The following SLC25A26 variants were observed in gnomAD, a reference collection of about 807,000 sequenced individuals.
The protein encoded by SLC25A26 is mitochondrial S-adenosylmethionine carrier protein.
Under a neutral mutation model 37.8 loss-of-function variants are expected in SLC25A26, and 36 were observed. The ratio of observed to expected loss-of-function variants is 0.95; its 90% CI spans 0.73 to 1.26. SLC25A26 has a LOEUF of 1.26. SLC25A26 is among the 50% of genes most tolerant of loss of function. The probability of loss-of-function intolerance (pLI) is 0.00; values close to 1 mark genes in which losing one functional copy is unlikely to be tolerated. For missense variants in SLC25A26, 390 were observed against 331.1 expected (o/e 1.18, Z -1.38); for synonymous variants, 129 against 122.5 (o/e 1.05, Z -0.35).
chr3:66,352,735 A>G (rs964026682), intron 6 of SLC25A26, among the ~76,000 whole-genome samples: 2 of 151,808 alleles, frequency 1.3e-5, no homozygotes, highest in East Asian at 2.0e-4. Flanking sequence ...AACTGACCCC[A>G]TGGAGCATTC....
intron 9 of SLC25A26, among the ~76,000 whole-genome samples, chr3:66,373,019 C>T (rs1412192911): frequency 1.3e-5 from 2 of 152,152 alleles, no homozygotes; most frequent in East Asian, 1.9e-4. Context: ...CTTGTTCTGG[C>T]GCATATGGGA....
intron 1 of SLC25A26, among the ~76,000 whole-genome samples, chr3:66,145,795 T>C (rs2070106469): frequency 6.6e-6 from 1 of 152,218 alleles, no homozygotes; most frequent in Non-Finnish European, 1.5e-5. Context: ...TCCAAAAATA[T>C]TCCTCACATT....
intron 1 of SLC25A26, among the ~76,000 whole-genome samples, chr3:66,138,328 A>AC (rs1269318728): frequency 2.6e-5 from 4 of 151,296 alleles, no homozygotes; most frequent in Non-Finnish European, 4.4e-5. Flanking sequence ...CACAAATCTC[A>AC]CCCCCCTTCA....
chr3:66,188,535 C>T (rs924181280), intron 1 of SLC25A26, among the ~76,000 whole-genome samples: 8 of 152,098 alleles, frequency 5.3e-5, no homozygotes, highest in Non-Finnish European at 1.0e-4. Flanking sequence ...CCCTCACTCC[C>T]TCTCTCTCCA....
chr3:66,247,463 A>G (rs990977702), intron 3 of SLC25A26, among the ~76,000 whole-genome samples: 2 of 152,162 alleles, frequency 1.3e-5, no homozygotes, highest in South Asian at 4.1e-4. Flanking sequence ...AGGTGCCACT[A>G]TGCCTGGCTA....
intron 6 of SLC25A26, among the ~76,000 whole-genome samples, chr3:66,352,784 C>T (rs958202514): frequency 2.0e-5 from 3 of 151,994 alleles, no homozygotes; most frequent in African/African-American, 7.3e-5. Flanking sequence ...CATCCCCCTT[C>T]CCCATACCTC....
At chr3:66,155,163 C>A (rs1210521019) in intron 1 of SLC25A26, among the ~76,000 whole-genome samples, 5 of 152,182 alleles carry the variant, frequency 3.3e-5, no homozygotes, top group Admixed American at 6.5e-5. Flanking sequence ...GTCCCTTTAC[C>A]TTTTAGCCCA....
intron 5 of SLC25A26, among the ~76,000 whole-genome samples, chr3:66,289,701 A>G (rs1355293089): frequency 2.6e-5 from 4 of 152,154 alleles, no homozygotes; most frequent in South Asian, 2.1e-4. Context: ...TACCAGTACC[A>G]TGCTGTTTTG....
At chr3:66,308,049 T>C (rs1231707547) in intron 5 of SLC25A26, among the ~76,000 whole-genome samples, 3 of 152,196 alleles carry the variant, frequency 2.0e-5, no homozygotes, top group Non-Finnish European at 4.4e-5. Context: ...AAGTCAATGG[T>C]AGCTTGATGG....
chr3:66,350,161 G>A (rs554844904), intron 6 of SLC25A26, among the ~76,000 whole-genome samples: 11 of 152,144 alleles, frequency 7.2e-5, no homozygotes, highest in African/African-American at 2.4e-4. Context: ...TTGTGTTTAT[G>A]TGGGAATACC....
chr3:66,136,751 C>T (rs182114481), intron 1 of SLC25A26, among the ~76,000 whole-genome samples: 19 of 152,270 alleles, frequency 1.2e-4, no homozygotes, highest in African/African-American at 4.6e-4. Flanking sequence ...TCAAAGCCTC[C>T]ATGTCATTTA....
chr3:66,231,197 G>A (rs371750921), intron 1 of SLC25A26, among the ~76,000 whole-genome samples: 4 of 152,068 alleles, frequency 2.6e-5, no homozygotes, highest in African/African-American at 9.7e-5. Context: ...GTTTCAGGAC[G>A]TGTTTGAGAT....
At chr3:66,316,797 T>G (rs6774385) in intron 5 of SLC25A26, among the ~76,000 whole-genome samples, 2 of 152,084 alleles carry the variant, frequency 1.3e-5, no homozygotes, top group African/African-American at 4.8e-5. Context: ...CCATAGTTCT[T>G]GGAGGTTTTG....
intron 6 of SLC25A26, among the ~76,000 whole-genome samples, chr3:66,349,322 A>G (rs2076397244): frequency 6.6e-6 from 1 of 152,134 alleles, no homozygotes; most frequent in Non-Finnish European, 1.5e-5. Flanking sequence ...AAATGTTTAT[A>G]ACCACCACCA....
chr3:66,249,678 A>C (rs1453826602), intron 3 of SLC25A26, among the ~76,000 whole-genome samples: 1 of 152,248 alleles, frequency 6.6e-6, no homozygotes, highest in African/African-American at 2.4e-5. Context: ...AATACAGATT[A>C]TCTCTCCCTT....
In SLC25A26 at chr3:66,324,907, C is replaced by T. The variant is rs142263638; in HGVS notation, c.454-21457C>T. On this transcript the variant is annotated intron_variant, in intron 5 of 9. Transcript: ENST00000354883. ...ATAGTTGGGGGCCTACAAATTATAGCGACAAAAGACAGAGTAGCAAGAGAA... is the reference window on the plus strand; with the variant it reads ...ATAGTTGGGGGCCTACAAATTATAGTGACAAAAGACAGAGTAGCAAGAGAA... Among the ~76,000 whole-genome samples, 1,294 of 151,558 alleles carry T rather than the reference C, an allele frequency of 8.5e-3. 11 individuals carry two copies. Among genetic ancestry groups the T allele is most frequent in the Non-Finnish European group, 0.01 (687 of 67,956 alleles).
intron 2 of SLC25A26, among the ~76,000 whole-genome samples, chr3:66,240,777 A>T (rs1217677375): frequency 1.8e-4 from 23 of 130,642 alleles, no homozygotes; most frequent in Non-Finnish European, 3.1e-4. Context: ...ACAGAGTCTC[A>T]CTCTTTCACC....
intron 5 of SLC25A26, among the ~76,000 whole-genome samples, chr3:66,323,116 CCT>C (rs1387077599): frequency 6.6e-6 from 1 of 152,126 alleles, no homozygotes; most frequent in Non-Finnish European, 1.5e-5. Flanking sequence ...ATGCCTCTTT[CCT>C]CTCTGAGGTG....
chr3:66,313,820 T>C (rs566846572), intron 5 of SLC25A26, among the ~76,000 whole-genome samples: 1 of 152,344 alleles, frequency 6.6e-6, no homozygotes, highest in South Asian at 2.1e-4. Context: ...TAGTTCATCT[T>C]GAAGAGATCC....
Sources: allele counts gnomAD v4.1 joint callset (sites outside exome capture counted in the v4.1 genomes callset), GRCh38; gene constraint gnomAD v4.1.1; transcripts MANE v1.5; gene names NCBI Gene and HGNC (gene_info 2026-07-23, HGNC 2026-07-21).